Variants in ACCSL observed in about 807,000 individuals in gnomAD.
ACCSL encodes the protein 1-aminocyclopropane-1-carboxylate synthase homolog (inactive) like, also known as probable inactive 1-aminocyclopropane-1-carboxylate synthase-like protein 2.
In ACCSL, 55 loss-of-function variants were observed where a neutral mutation model predicts 61.7. That is an observed-to-expected ratio of 0.89 (90% CI 0.72 to 1.12). ACCSL has a LOEUF of 1.12. Among genes scored for constraint, ACCSL ranks in the 50% most tolerant of loss-of-function variants. The pLI, the probability that ACCSL is intolerant of heterozygous loss-of-function variation, is 0.00. For synonymous variants in ACCSL, 258 were observed against 264.3 expected, an observed-to-expected ratio of 0.98 and a Z score of 0.23; for missense variants, 632 against 698.0, an observed-to-expected ratio of 0.91 and a Z score of 1.07.
At chr11:43,928,515 AG>A in the ACCSL span, among the ~76,000 whole-genome samples, 2 of 152,130 alleles carry the variant, frequency 1.3e-5, no homozygotes, top group Non-Finnish European at 2.9e-5. Context: ...ACCCCATCCG[AG>A]GAAACAGTCT....
the ACCSL span, among the ~76,000 whole-genome samples, chr11:44,036,054 A>G: frequency 6.6e-6 from 1 of 152,082 alleles, no homozygotes; most frequent in Non-Finnish European, 1.5e-5. Flanking sequence ...CCTTTGAAAA[A>G]CAGTCCCTGC....
At chr11:43,953,698 A>G in the ACCSL span, among the ~76,000 whole-genome samples, 1 of 152,112 alleles carries the variant, frequency 6.6e-6, no homozygotes, top group Non-Finnish European at 1.5e-5. Context: ...TGCCATGGCC[A>G]TGTCAGGAAG....
At chr11:43,924,319 C>A in the ACCSL span, among the ~76,000 whole-genome samples, 1 of 152,234 alleles carries the variant, frequency 6.6e-6, no homozygotes, top group Non-Finnish European at 1.5e-5. Context: ...GCCTGTGGGA[C>A]CTCCCGTCCC....
chr11:44,000,778 G>A, the ACCSL span, among the ~76,000 whole-genome samples: 2 of 147,196 alleles, frequency 1.4e-5, no homozygotes, highest in African/African-American at 4.9e-5. Flanking sequence ...AAGAAATAAA[G>A]TATATGGGAG....
At chr11:44,026,087 T>G in the ACCSL span, among the ~76,000 whole-genome samples, 8 of 152,228 alleles carry the variant, frequency 5.3e-5, no homozygotes, top group African/African-American at 1.9e-4. Context: ...TTCATCAAAT[T>G]TGTGCAGTTT....
chr11:44,023,918 G>C, the ACCSL span, among the ~76,000 whole-genome samples: 1 of 152,260 alleles, frequency 6.6e-6, no homozygotes, highest in East Asian at 1.9e-4. Flanking sequence ...GGTTATTGAA[G>C]AGTGTGTTGT....
chr11:43,987,930 C>T, the ACCSL span, among the ~76,000 whole-genome samples: 1 of 151,780 alleles, frequency 6.6e-6, no homozygotes, highest in African/African-American at 2.4e-5. Context: ...TCTTCCCCCA[C>T]CCCCCCGCAG....
chr11:43,970,094 T>C, the ACCSL span, among the ~76,000 whole-genome samples: 153 of 152,116 alleles, frequency 1.0e-3, no homozygotes, highest in African/African-American at 3.4e-3. Context: ...TGCAGAAGAA[T>C]TGCTTGGGCC....
At chr11:43,971,190 G>T in the ACCSL span, among the ~76,000 whole-genome samples, 52 of 151,644 alleles carry the variant, frequency 3.4e-4, no homozygotes, top group African/African-American at 1.2e-3. Flanking sequence ...AAAATTAGCC[G>T]GGCATGGTGG....
chr11:44,009,002 A>G, the ACCSL span, among the ~76,000 whole-genome samples: 1 of 152,172 alleles, frequency 6.6e-6, no homozygotes, highest in African/African-American at 2.4e-5. Context: ...CCCTGTCTCT[A>G]CTGAAAATAC....
the ACCSL span, among the ~76,000 whole-genome samples, chr11:43,987,738 C>A: frequency 1.3e-5 from 2 of 152,170 alleles, no homozygotes; most frequent in South Asian, 2.1e-4. Context: ...AGCCGGAGAC[C>A]TGGCCGACTT....
Position 44,053,496 on chromosome 11 carries a change from T to C in ACCSL, c.1039T>C (p.Phe347Leu). 1 of 1,614,024 alleles carries C rather than the reference T, an allele frequency of 6.2e-7. No individual in the cohort carries two copies. The highest frequency in any genetic ancestry group is 1.3e-5 in the African/African-American group (1 of 75,028). ...SPDSLMKYLE[F>L]AKRYNLHVII... ...AGACTCACTGATGAAATACCTGGAA[T>C]TTGCCAAGAGGTATGAGTTCTACCC... Residue 347 changes from phenylalanine to leucine, a missense_variant, in exon 8 of 14, where the codon TTT becomes CTT. Coordinates refer to ENST00000378832, the MANE Select transcript of ACCSL (RefSeq NM_001031854.2).
intron 7 of ACCSL, 63 bp from the exon 8 acceptor site, chr11:44,053,343 G>A: frequency 6.5e-7 from 1 of 1,532,816 alleles, no homozygotes; most frequent in East Asian, 2.3e-5. Context: ...AAAGATCCTT[G>A]GCTGAATTTA....
chr11:44,059,741 G>C, intron 13 of ACCSL, 97 bp from the exon 14 acceptor site: 1 of 951,588 alleles, frequency 1.1e-6, no homozygotes, highest in South Asian at 1.7e-5. Context: ...CCCTGAATGA[G>C]AGGCTTTTAT....
In ACCSL at chr11:44,053,361, T is replaced by C. The variant is rs1459099440; in HGVS notation, c.949-45T>C. 3 of 1,579,096 alleles carry C rather than the reference T, an allele frequency of 1.9e-6. No homozygotes were observed. The African/African-American group carries it at 4.0e-5, about 21-fold the overall frequency. On this transcript the variant is annotated intron_variant, in intron 7 of 13. Coordinates refer to ENST00000378832, the MANE Select transcript of ACCSL (RefSeq NM_001031854.2). ...GATCCTTGGCTGAATTTAGGGTAGA[T>C]GCTAAGGACTTGTATTCACTCAGTT...
the ACCSL span, among the ~76,000 whole-genome samples, chr11:43,965,230 A>G: frequency 2.2e-4 from 33 of 152,368 alleles, no homozygotes; most frequent in Non-Finnish European, 4.6e-4. Flanking sequence ...AGAGCTATTA[A>G]TAACAAACAA....
At chr11:43,933,158 A>G in the ACCSL span, 1 of 456,244 alleles carries the variant, frequency 2.2e-6, no homozygotes. Flanking sequence ...TAAGTCCCTC[A>G]GGCTTGCTTT....
At chr11:44,000,228 G>A in the ACCSL span, among the ~76,000 whole-genome samples, 12 of 152,006 alleles carry the variant, frequency 7.9e-5, no homozygotes, top group Non-Finnish European at 1.6e-4. Context: ...GGGTGCAAGC[G>A]ATTCTCCTGC....
the ACCSL span, among the ~76,000 whole-genome samples, chr11:43,989,426 A>G: frequency 0.045 from 6,811 of 152,226 alleles, 377 homozygotes; most frequent in African/African-American, 0.13. Context: ...GGGAAATGCA[A>G]CAGAGCTGCA....
Sources: allele counts gnomAD v4.1 joint callset (sites outside exome capture counted in the v4.1 genomes callset), GRCh38; gene constraint gnomAD v4.1.1; transcripts MANE v1.5; gene names NCBI Gene and HGNC (gene_info 2026-07-23, HGNC 2026-07-21).